The following ESRRG variants were observed in gnomAD, a reference collection of about 807,000 sequenced individuals.
The protein encoded by ESRRG is estrogen related receptor gamma.
Under a neutral mutation model 44.0 loss-of-function variants are expected in ESRRG, and 13 were observed. That is an observed-to-expected ratio of 0.30 (90% confidence interval 0.19 to 0.47). ESRRG has a LOEUF of 0.47. Among genes scored for constraint, ESRRG ranks in the 20% least tolerant of loss-of-function variants. The probability of loss-of-function intolerance (pLI) is 1.00; values close to 1 mark genes in which losing one functional copy is unlikely to be tolerated. For missense variants in ESRRG, 395 were observed against 580.6 expected (o/e 0.68, Z 3.29); for synonymous variants, 215 against 214.6 (o/e 1.00, Z -0.02).
intron 1 of ESRRG, among the ~76,000 whole-genome samples, chr1:217,104,999 A>T (rs1403451858): frequency 6.6e-6 from 1 of 152,140 alleles, no homozygotes; most frequent in Non-Finnish European, 1.5e-5. Flanking sequence ...ATTCAGTTGG[A>T]CAGTTAAGGG....
intron 2 of ESRRG, among the ~76,000 whole-genome samples, chr1:216,783,114 T>C (rs2093994784): frequency 1.3e-5 from 2 of 151,900 alleles, no homozygotes; most frequent in African/African-American, 4.8e-5. Flanking sequence ...TGGGATTCCA[T>C]GGGGCAGGGG....
chr1:216,975,509 T>C (rs1296091839), intron 1 of ESRRG, among the ~76,000 whole-genome samples: 2 of 152,168 alleles, frequency 1.3e-5, no homozygotes, highest in East Asian at 1.9e-4. Context: ...TGGCGGAAAA[T>C]CTTGGAGGGC....
intron 2 of ESRRG, among the ~76,000 whole-genome samples, chr1:216,870,760 C>T (rs2096248823): frequency 6.6e-6 from 1 of 151,904 alleles, no homozygotes; most frequent in Non-Finnish European, 1.5e-5. Flanking sequence ...ATCTACATTG[C>T]CAAATTCCTT....
intron 2 of ESRRG, among the ~76,000 whole-genome samples, chr1:216,916,413 A>G (rs1008974895): frequency 6.6e-6 from 1 of 152,250 alleles, no homozygotes; most frequent in Non-Finnish European, 1.5e-5. Flanking sequence ...CAAACTCCCA[A>G]GTGAAAGACA....
At chr1:216,979,740 C>T (rs962868426) in intron 1 of ESRRG, among the ~76,000 whole-genome samples, 1 of 151,996 alleles carries the variant, frequency 6.6e-6, no homozygotes, top group Non-Finnish European at 1.5e-5. Flanking sequence ...TAAGTAAAGA[C>T]TATAATAAGT....
At chr1:217,105,884 A>G (rs2092587427) in intron 1 of ESRRG, among the ~76,000 whole-genome samples, 1 of 152,168 alleles carries the variant, frequency 6.6e-6, no homozygotes, top group Non-Finnish European at 1.5e-5. Flanking sequence ...CATGACATAG[A>G]TGCCAACAAA....
At chr1:216,623,946 C>T (rs2062731744) in intron 3 of ESRRG, among the ~76,000 whole-genome samples, 1 of 151,524 alleles carries the variant, frequency 6.6e-6, no homozygotes, top group African/African-American at 2.4e-5. Context: ...TGTACTACAC[C>T]AGTGGGATCA....
intron 2 of ESRRG, among the ~76,000 whole-genome samples, chr1:216,907,892 C>T (rs1439568536): frequency 6.6e-6 from 1 of 152,148 alleles, no homozygotes; most frequent in East Asian, 1.9e-4. Context: ...TGCAAATGTA[C>T]CCTTCTTCTC....
At chr1:217,046,899 G>A (rs979280596) in intron 1 of ESRRG, among the ~76,000 whole-genome samples, 1 of 152,104 alleles carries the variant, frequency 6.6e-6, no homozygotes, top group Non-Finnish European at 1.5e-5. Flanking sequence ...AAAAAAGGGG[G>A]GGGAATGGAA....
intron 2 of ESRRG, among the ~76,000 whole-genome samples, chr1:216,933,358 G>A (rs1347155775): frequency 6.6e-6 from 1 of 151,970 alleles, no homozygotes; most frequent in African/African-American, 2.4e-5. Flanking sequence ...TTTTCACTTA[G>A]GCTTTCTAAT....
chr1:216,527,309 T>G (rs2047954983), intron 5 of ESRRG, among the ~76,000 whole-genome samples: 1 of 152,170 alleles, frequency 6.6e-6, no homozygotes, highest in Admixed American at 6.5e-5. Flanking sequence ...GGGTAAATTT[T>G]AACAGCATCC....
chr1:216,574,462 A>G (rs1305132098), intron 3 of ESRRG, among the ~76,000 whole-genome samples: 1 of 152,132 alleles, frequency 6.6e-6, no homozygotes, highest in East Asian at 1.9e-4. Context: ...GCAAATTTTT[A>G]TAATATTCTG....
chr1:216,991,617 A>ATGGGATGGGATGGGATG (rs2075712870), intron 1 of ESRRG, among the ~76,000 whole-genome samples: 2 of 59,766 alleles, frequency 3.3e-5, no homozygotes, highest in Admixed American at 4.0e-4. Context: ...GGGATGGGAT[A>ATGGGATGGGATGGGATG]GGATGGGATG....
chr1:216,672,520 C>G (rs2075375602), intron 2 of ESRRG, among the ~76,000 whole-genome samples: 1 of 152,070 alleles, frequency 6.6e-6, no homozygotes, highest in African/African-American at 2.4e-5. Flanking sequence ...AGTATTTTTC[C>G]CAACTTTTTA....
At chr1:216,738,748 C>T (rs566753605) in intron 2 of ESRRG, among the ~76,000 whole-genome samples, 117 of 152,286 alleles carry the variant, frequency 7.7e-4, no homozygotes, top group Non-Finnish European at 1.3e-3. Context: ...TTCTAGGACT[C>T]TCAAAACACT....
intron 2 of ESRRG, among the ~76,000 whole-genome samples, chr1:216,909,892 C>G (rs911943518): frequency 6.6e-6 from 1 of 152,008 alleles, no homozygotes; most frequent in African/African-American, 2.4e-5. Context: ...ACAAGCAAAA[C>G]CCACAAATGA....
At chr1:216,913,235 A>G (rs1199643545) in intron 2 of ESRRG, among the ~76,000 whole-genome samples, 4 of 152,100 alleles carry the variant, frequency 2.6e-5, no homozygotes, top group Non-Finnish European at 4.4e-5. Context: ...TCCCTAACTA[A>G]TACATTATAG....
Position 216,751,259 on chromosome 1 carries a change from G to T in ESRRG, c.-13-73768C>A, listed in dbSNP as rs576642603. Among the ~76,000 whole-genome samples the T allele has an allele frequency of 2.0e-5, 3 of 152,242 alleles. No individual in the cohort carries two copies. In the South Asian group the frequency reaches 6.2e-4, roughly 32 times the overall value. On this transcript the variant is annotated intron_variant, in intron 2 of 7. Transcript: ENST00000359162. Reference sequence around the variant, plus strand: ...CTTCAGCTATAGCTAGATTAGTGAGGCTGTTGTCATATTAGAGAAAGAACT... The same window carrying T: ...CTTCAGCTATAGCTAGATTAGTGAGTCTGTTGTCATATTAGAGAAAGAACT...
intron 2 of ESRRG, among the ~76,000 whole-genome samples, chr1:216,811,023 T>C (rs564671895): frequency 2.4e-4 from 37 of 152,080 alleles, no homozygotes; most frequent in Middle Eastern, 6.8e-3. Context: ...GGGCACTGTT[T>C]TGAGAGGCAA....
Sources: allele counts gnomAD v4.1 joint callset (sites outside exome capture counted in the v4.1 genomes callset), GRCh38; gene constraint gnomAD v4.1.1; transcripts MANE v1.5; gene names NCBI Gene and HGNC (gene_info 2026-07-23, HGNC 2026-07-21).